PTPRE: variants seen among roughly 807,000 people sequenced by gnomAD.
PTPRE encodes the protein protein tyrosine phosphatase receptor type E, also known as receptor-type tyrosine-protein phosphatase epsilon.
A neutral mutation model predicts 102.0 loss-of-function variants in PTPRE; 51 were observed. The ratio of observed to expected loss-of-function variants is 0.50; its 90% CI spans 0.40 to 0.63. The LOEUF is 0.63. Among genes scored for constraint, PTPRE ranks in the 30% least tolerant of loss-of-function variants. The pLI, the probability that PTPRE is intolerant of heterozygous loss-of-function variation, is 0.00. For synonymous variants in PTPRE, 345 were observed against 348.2 expected, an observed-to-expected ratio of 0.99 and a Z score of 0.10; for missense variants, 752 against 915.1, an observed-to-expected ratio of 0.82 and a Z score of 2.30.
intron 9 of PTPRE, 108 bp downstream of exon 9, chr10:128,061,823 G>C: frequency 7.4e-7 from 1 of 1,345,418 alleles, no homozygotes; most frequent in Non-Finnish European, 1.0e-6. Flanking sequence ...TTGTGTGTGT[G>C]TGTTTACACC....
intron 2 of PTPRE, among the ~76,000 whole-genome samples, chr10:128,001,402 C>T (rs1284736886): frequency 1.3e-5 from 2 of 150,018 alleles, no homozygotes; most frequent in African/African-American, 2.5e-5. Flanking sequence ...CCGGAACTTT[C>T]CTTGCATAGT....
At chr10:127,951,212 G>A (rs372992172) in intron 1 of PTPRE, among the ~76,000 whole-genome samples, 36 of 152,138 alleles carry the variant, frequency 2.4e-4, no homozygotes, top group Admixed American at 2.0e-3. Context: ...ACTGAGAGTC[G>A]TGGCTCCTCA....
chr10:127,964,067 C>G (rs1173293430), intron 1 of PTPRE, among the ~76,000 whole-genome samples: 1 of 152,202 alleles, frequency 6.6e-6, no homozygotes. Flanking sequence ...GAGACCACTC[C>G]TTGCAAAGAT....
intron 1 of PTPRE, among the ~76,000 whole-genome samples, chr10:127,959,108 C>T (rs992452867): frequency 1.3e-5 from 2 of 152,198 alleles, no homozygotes; most frequent in African/African-American, 2.4e-5. Context: ...GTTGGTCAGG[C>T]TGGTCTCGAA....
chr10:127,924,294 C>T (rs535935898), intron 1 of PTPRE, among the ~76,000 whole-genome samples: 1 of 152,232 alleles, frequency 6.6e-6, no homozygotes, highest in South Asian at 2.1e-4. Context: ...GGTGCGATCT[C>T]GGCTCATTGC....
rs374724524 is a variant in PTPRE, at chr10:128,068,111, C to T, written c.844-12C>T. ...TGTTTCACCCACTCTTGTCTCCCCG[C>T]GTCCCCCGCAGCAGCTCCCCGACGG... On this transcript the variant is annotated splice_polypyrimidine_tract_variant and intron_variant, in intron 11 of 20. Transcript: ENST00000254667. The T allele has an allele frequency of 4.4e-6, 7 of 1,608,676 alleles. No individual in the cohort carries two copies. The highest frequency in any genetic ancestry group is 4.2e-6 in the Non-Finnish European group (5 of 1,176,988).
At chr10:127,921,669 G>A (rs996062391) in intron 1 of PTPRE, among the ~76,000 whole-genome samples, 5 of 152,216 alleles carry the variant, frequency 3.3e-5, no homozygotes, top group Non-Finnish European at 5.9e-5. Context: ...CAGAGTCACA[G>A]GGGAGGTTCC....
intron 3 of PTPRE, among the ~76,000 whole-genome samples, chr10:128,042,163 G>A (rs1400485806): frequency 6.6e-6 from 1 of 152,112 alleles, no homozygotes; most frequent in African/African-American, 2.4e-5. Context: ...CCACAATCCC[G>A]ACTTTTCTTC....
intron 1 of PTPRE, among the ~76,000 whole-genome samples, chr10:127,977,797 CT>C (rs1851294565): frequency 1.3e-5 from 2 of 152,236 alleles, no homozygotes; most frequent in African/African-American, 4.8e-5. Flanking sequence ...TTGCCTGCCC[CT>C]GCCCCCCTTC....
At chr10:128,014,717 G>A (rs187469706) in intron 2 of PTPRE, among the ~76,000 whole-genome samples, 2 of 152,146 alleles carry the variant, frequency 1.3e-5, no homozygotes, top group East Asian at 1.9e-4. Flanking sequence ...CCCATCCCCC[G>A]TCTCAACCCC....
intron 2 of PTPRE, among the ~76,000 whole-genome samples, chr10:128,026,807 C>A (rs1385082595): frequency 6.6e-6 from 1 of 152,250 alleles, no homozygotes; most frequent in Non-Finnish European, 1.5e-5. Context: ...GTGGCTACAT[C>A]TGAAACATGC....
chr10:128,030,559 C>T (rs1212560497), intron 2 of PTPRE, among the ~76,000 whole-genome samples: 1 of 152,154 alleles, frequency 6.6e-6, no homozygotes, highest in Admixed American at 6.5e-5. Flanking sequence ...CACCTTATTT[C>T]TTCATGGCGA....
At chr10:127,937,030 C>T (rs1225239106) in intron 1 of PTPRE, among the ~76,000 whole-genome samples, 1 of 152,132 alleles carries the variant, frequency 6.6e-6, no homozygotes, top group Admixed American at 6.5e-5. Flanking sequence ...AATCTCAGTC[C>T]TTCTCGCTCC....
intron 2 of PTPRE, among the ~76,000 whole-genome samples, chr10:127,983,552 G>A (rs1050870077): frequency 2.6e-5 from 4 of 152,236 alleles, no homozygotes; most frequent in Admixed American, 6.5e-5. Flanking sequence ...TGGTTTGAAC[G>A]CTTATTAAAT....
Position 128,025,771 on chromosome 10 carries a change from GA to G in PTPRE, c.-7-15103del, listed in dbSNP as rs760655315. 1.2e-3 allele frequency among the ~76,000 whole-genome samples: 177 copies of G among 152,262 alleles called. 1 individual carries two copies. Among genetic ancestry groups the G allele is most frequent in the Middle Eastern group, 3.4e-3 (1 of 294 alleles). ...TTTGCCACCAGGACCTGCTCCAGGG[GA>G]CCCAGGGAAGCAGCCCCTCCCCAGC... On this transcript the variant is annotated intron_variant, in intron 2 of 20. Coordinates refer to ENST00000254667, the MANE Select transcript of PTPRE (RefSeq NM_006504.6).
intron 17 of PTPRE, among the ~76,000 whole-genome samples, chr10:128,075,428 C>T (rs1273442024): frequency 1.3e-5 from 2 of 152,092 alleles, no homozygotes; most frequent in Non-Finnish European, 2.9e-5. Context: ...TGTCCTAATG[C>T]TCTCCCTCCC....
intron 1 of PTPRE, among the ~76,000 whole-genome samples, chr10:127,912,708 T>A: frequency 6.6e-6 from 1 of 152,172 alleles, no homozygotes; most frequent in East Asian, 1.9e-4. Context: ...AACAATAGCA[T>A]TTGGTGTGAG....
At chr10:127,923,344 A>G (rs1314228057) in intron 1 of PTPRE, among the ~76,000 whole-genome samples, 1 of 151,566 alleles carries the variant, frequency 6.6e-6, no homozygotes, top group East Asian at 1.9e-4. Flanking sequence ...TCTGGGAAGA[A>G]CCTCATAATG....
At chr10:127,933,572 G>A (rs1427184446) in intron 1 of PTPRE, among the ~76,000 whole-genome samples, 2 of 152,218 alleles carry the variant, frequency 1.3e-5, no homozygotes, top group African/African-American at 2.4e-5. Flanking sequence ...AATGTGCTCA[G>A]ATGTATAGCA....
Sources: allele counts gnomAD v4.1 joint callset (sites outside exome capture counted in the v4.1 genomes callset), GRCh38; gene constraint gnomAD v4.1.1; transcripts MANE v1.5; gene names NCBI Gene and HGNC (gene_info 2026-07-23, HGNC 2026-07-21).